The following ASTN2 variants were observed in gnomAD, a reference collection of about 807,000 sequenced individuals.
ASTN2 encodes astrotactin-2.
A neutral mutation model predicts 139.8 loss-of-function variants in ASTN2; 54 were observed. That is an observed-to-expected ratio of 0.39 (90% CI 0.31 to 0.48). The LOEUF is 0.48. Among genes scored for constraint, ASTN2 ranks in the 20% least tolerant of loss-of-function variants. The pLI is 0.95. For synonymous variants in ASTN2, 756 were observed against 719.5 expected (o/e 1.05, Z -0.81); for missense variants, 1,565 against 1,725.1 (o/e 0.91, Z 1.64).
intron 19 of ASTN2, among the ~76,000 whole-genome samples, chr9:116,511,859 T>C (rs1411025314): frequency 6.6e-6 from 1 of 152,208 alleles, no homozygotes; most frequent in Non-Finnish European, 1.5e-5. Flanking sequence ...ATCTCCTTTA[T>C]CATTTTTTAT....
chr9:116,660,165 A>AGC (rs1471597171), intron 16 of ASTN2, among the ~76,000 whole-genome samples: 217 of 94,014 alleles, frequency 2.3e-3, no homozygotes, highest in African/African-American at 5.9e-3. Context: ...TCATATTGCA[A>AGC]GCGCACACAC....
chr9:116,760,506 G>C (rs963216933), intron 13 of ASTN2, among the ~76,000 whole-genome samples: 8 of 152,200 alleles, frequency 5.3e-5, no homozygotes, highest in Non-Finnish European at 1.2e-4. Context: ...GTGAAAGCCA[G>C]GCTGAGCAAT....
At chr9:116,931,716 G>C (rs1834903059) in intron 10 of ASTN2, among the ~76,000 whole-genome samples, 1 of 152,114 alleles carries the variant, frequency 6.6e-6, no homozygotes, top group African/African-American at 2.4e-5. Context: ...GGGAAGCAAA[G>C]GGCCAACGAG....
rs982622549 is a variant in ASTN2, at chr9:116,868,880, C to G, written c.1890-5147G>C. Among the ~76,000 whole-genome samples, 8 of 152,114 alleles carry G rather than the reference C, an allele frequency of 5.3e-5. No individual in the cohort carries two copies. In the South Asian group the frequency reaches 6.2e-4, roughly 12 times the overall value. ...CCTTCTTGCCTGTGTGTCTGTGTGTCCTCTCCTTTTTTTAAAATGACACCA... is the reference window on the plus strand; with the variant it reads ...CCTTCTTGCCTGTGTGTCTGTGTGTGCTCTCCTTTTTTTAAAATGACACCA... On this transcript the variant is annotated intron_variant, in intron 10 of 22. Coordinates refer to ENST00000313400, the MANE Select transcript of ASTN2 (RefSeq NM_001365068.1).
At chr9:116,840,844 A>T (rs1832224821) in intron 11 of ASTN2, among the ~76,000 whole-genome samples, 1 of 149,546 alleles carries the variant, frequency 6.7e-6, no homozygotes, top group South Asian at 2.2e-4. Context: ...GGCGCTCCTC[A>T]CTTCCTAGAT....
intron 2 of ASTN2, among the ~76,000 whole-genome samples, chr9:117,239,461 G>A (rs1451995251): frequency 4.6e-5 from 7 of 152,170 alleles, no homozygotes; most frequent in African/African-American, 1.7e-4. Flanking sequence ...GGCAACATCT[G>A]GGCCACTGTT....
intron 19 of ASTN2, among the ~76,000 whole-genome samples, chr9:116,553,397 C>T (rs1852444405): frequency 6.6e-6 from 1 of 152,160 alleles, no homozygotes; most frequent in Admixed American, 6.5e-5. Context: ...GCTTGTTTTC[C>T]TTAACTTTTC....
chr9:116,821,474 C>A (rs1173238528), intron 11 of ASTN2, among the ~76,000 whole-genome samples: 2 of 152,138 alleles, frequency 1.3e-5, no homozygotes, highest in Non-Finnish European at 2.9e-5. Context: ...ATCCCTGGAG[C>A]CCTAAGTAAG....
At chr9:116,587,038 A>C (rs1219975994) in intron 19 of ASTN2, among the ~76,000 whole-genome samples, 1 of 152,040 alleles carries the variant, frequency 6.6e-6, no homozygotes, top group Non-Finnish European at 1.5e-5. Flanking sequence ...TCCTAAAATC[A>C]ACAATTAAAA....
At chr9:116,879,887 G>A (rs1833407830) in intron 10 of ASTN2, among the ~76,000 whole-genome samples, 1 of 152,178 alleles carries the variant, frequency 6.6e-6, no homozygotes, top group South Asian at 2.1e-4. Flanking sequence ...TGAAGCCTAT[G>A]AAGCCTATGG....
At chr9:117,404,018 C>T (rs1026119820) in intron 1 of ASTN2, among the ~76,000 whole-genome samples, 13 of 152,086 alleles carry the variant, frequency 8.5e-5, no homozygotes, top group Non-Finnish European at 1.9e-4. Context: ...TTCATACCTC[C>T]ACCTCCTTCC....
intron 1 of ASTN2, among the ~76,000 whole-genome samples, chr9:117,299,177 C>T (rs1037132553): frequency 6.6e-6 from 1 of 152,198 alleles, no homozygotes. Context: ...AAGAATGGCA[C>T]TCACTAAATA....
rs368829022 is a variant in ASTN2 at position 116,574,127 on chromosome 9, C to A, written c.3355+44197G>T. 2.9e-4 allele frequency among the ~76,000 whole-genome samples: 44 copies of A among 152,216 alleles called. No homozygotes were observed. In the East Asian group the frequency reaches 3.7e-3, roughly 13 times the overall value. On this transcript the variant is annotated intron_variant, in intron 19 of 22. Coordinates refer to ENST00000313400, the MANE Select transcript of ASTN2 (RefSeq NM_001365068.1). ...TCAGCAACTTTTAAATATGAAGTAG[C>A]TGGTAGTAAATATTTTCTGCCTTGT...
chr9:117,393,165 A>G (rs1282300449), intron 1 of ASTN2, among the ~76,000 whole-genome samples: 2 of 152,224 alleles, frequency 1.3e-5, no homozygotes, highest in Non-Finnish European at 2.9e-5. Context: ...TGCAAATACC[A>G]TACTGGAATG....
At chr9:117,293,912 G>C (rs897380480) in intron 1 of ASTN2, among the ~76,000 whole-genome samples, 1 of 152,240 alleles carries the variant, frequency 6.6e-6, no homozygotes, top group Non-Finnish European at 1.5e-5. Flanking sequence ...CACGTGCTGA[G>C]AGTCCCTGGA....
intron 19 of ASTN2, among the ~76,000 whole-genome samples, chr9:116,594,280 C>T (rs1374337861): frequency 6.6e-6 from 1 of 152,160 alleles, no homozygotes; most frequent in African/African-American, 2.4e-5. Context: ...CCTATGGATA[C>T]CTACCTAATC....
intron 6 of ASTN2, among the ~76,000 whole-genome samples, chr9:117,024,380 G>C (rs927085674): frequency 6.6e-6 from 1 of 151,816 alleles, no homozygotes; most frequent in Admixed American, 6.6e-5. Context: ...CATAATTACA[G>C]GAACGGTATT....
intron 13 of ASTN2, among the ~76,000 whole-genome samples, chr9:116,774,648 C>T (rs929630075): frequency 2.0e-5 from 3 of 151,454 alleles, no homozygotes; most frequent in Non-Finnish European, 4.4e-5. Flanking sequence ...CCATCTTGCT[C>T]GAGAGCCTGG....
At chr9:116,480,315 C>G (rs141763293) in intron 20 of ASTN2, among the ~76,000 whole-genome samples, 77 of 152,240 alleles carry the variant, frequency 5.1e-4, no homozygotes, top group African/African-American at 1.8e-3. Flanking sequence ...TGGACCACAG[C>G]CTGGCACATA....
Sources: gnomAD v4.1 joint callset for allele counts (sites outside exome capture counted in the v4.1 genomes callset) on GRCh38, gnomAD v4.1.1 for gene constraint, MANE v1.5 for transcripts, NCBI Gene and HGNC (gene_info 2026-07-23, HGNC 2026-07-21) for gene names.